PDE6C: variants seen among roughly 807,000 people sequenced by gnomAD.
PDE6C encodes the protein cone cGMP-specific 3',5'-cyclic phosphodiesterase subunit alpha'.
Under a neutral mutation model 113.1 loss-of-function variants are expected in PDE6C, and 75 were observed. The observed-to-expected ratio is 0.66, with a 90% CI of 0.55 to 0.80. The LOEUF is 0.80. Ranked by LOEUF, PDE6C falls within the 30% of genes least tolerant of loss-of-function variation. The probability of loss-of-function intolerance (pLI) is 0.00; values close to 1 mark genes in which losing one functional copy is unlikely to be tolerated. For synonymous variants in PDE6C, 375 were observed against 363.7 expected (o/e 1.03, Z -0.35); for missense variants, 912 against 1,038.6 (o/e 0.88, Z 1.67).
chr10:93,646,151 A>G (rs1184819010), intron 15 of PDE6C, 104 bp downstream of exon 15: 2 of 732,440 alleles, frequency 2.7e-6, no homozygotes, highest in Non-Finnish European at 2.5e-6. Flanking sequence ...ACAGCAGTTG[A>G]TAGTGTATAC....
intron 7 of PDE6C, among the ~76,000 whole-genome samples, chr10:93,627,978 AG>A (rs2058482047): frequency 6.6e-6 from 1 of 152,210 alleles, no homozygotes; most frequent in Non-Finnish European, 1.5e-5. Context: ...TGGGGATTTA[AG>A]GAGGGAGCCC....
At chr10:93,664,458 G>A (rs1425301882) in intron 21 of PDE6C, among the ~76,000 whole-genome samples, 1 of 152,220 alleles carries the variant, frequency 6.6e-6, no homozygotes, top group African/African-American at 2.4e-5. Context: ...GTAGCTGCCA[G>A]ATACTGTATT....
rs548263177 is a variant in PDE6C at position 93,634,430 on chromosome 10, T to A, written c.1120-328T>A. Among the ~76,000 whole-genome samples, 8 of 152,178 alleles carry A rather than the reference T, an allele frequency of 5.3e-5. No homozygotes were observed. In the East Asian group the frequency reaches 1.5e-3, roughly 29 times the overall value. On this transcript the variant is annotated intron_variant, in intron 8 of 21. Coordinates refer to ENST00000371447, the MANE Select transcript of PDE6C (RefSeq NM_006204.4). ...TGTTGTATCTTGATTCTAATGGTGG[T>A]TGAAAAGCTACACAAGGGATAAATT...
chr10:93,637,765 T>C (rs1288076037), intron 11 of PDE6C, among the ~76,000 whole-genome samples: 1 of 152,244 alleles, frequency 6.6e-6, no homozygotes, highest in Non-Finnish European at 1.5e-5. Flanking sequence ...GTACCCATCT[T>C]AATACCAGAA....
intron 8 of PDE6C, among the ~76,000 whole-genome samples, chr10:93,632,560 C>G (rs2058506806): frequency 6.6e-6 from 1 of 152,162 alleles, no homozygotes; most frequent in Non-Finnish European, 1.5e-5. Context: ...GAACTGGTAG[C>G]AAATGAATAT....
At chr10:93,615,981 C>T (rs527695722) in intron 1 of PDE6C, among the ~76,000 whole-genome samples, 2 of 152,282 alleles carry the variant, frequency 1.3e-5, no homozygotes, top group Admixed American at 6.5e-5. Flanking sequence ...CTACCTTACA[C>T]CCCTGCAGTT....
In PDE6C at chr10:93,622,061, A is replaced by T; in HGVS notation, c.853A>T (p.Thr285Ser). The T allele has an allele frequency of 6.2e-7, 1 of 1,613,980 alleles. No homozygotes were observed. The highest frequency in any genetic ancestry group is 8.5e-7 in the Non-Finnish European group (1 of 1,179,960). Residue 285 changes from threonine to serine, a missense_variant, in exon 4 of 22, where the codon ACC (threonine) becomes TCC (serine). By Grantham distance (58) the Thr-to-Ser change is moderately conservative. Coordinates refer to ENST00000371447, the MANE Select transcript of PDE6C (RefSeq NM_006204.4). ...ATACTCCATTGGACTGCTGGACATG[A>T]CCAAGGAGAAGGTTCTTATTATTCT... ...ERYSIGLLDM[T>S]KEKEFYDEWP...
intron 11 of PDE6C, among the ~76,000 whole-genome samples, chr10:93,639,845 G>A (rs2058550401): frequency 6.6e-6 from 1 of 152,170 alleles, no homozygotes; most frequent in African/African-American, 2.4e-5. Flanking sequence ...CTTTAATATG[G>A]CCAAGTCTCA....
intron 15 of PDE6C, among the ~76,000 whole-genome samples, chr10:93,654,151 C>T (rs1420054025): frequency 6.6e-6 from 1 of 152,198 alleles, no homozygotes. Context: ...ATTCAGCATT[C>T]CACAGATATT....
chr10:93,621,026 CA>C (rs759506945), intron 3 of PDE6C, 46 bp downstream of exon 3: 11 of 1,505,736 alleles, frequency 7.3e-6, no homozygotes, highest in Non-Finnish European at 1.0e-5. Context: ...CCTATTCTGA[CA>C]AAGCCGCCCA....
At position 93,617,269 on chromosome 10, in the gene PDE6C, TA is replaced by T. The variant is rs549440568; in HGVS notation, c.481-3359del. Reference sequence around the variant, plus strand: ...TAAGGATTTTTTGAGCTAGTGAAAATAAAACACAAAAACCCCTCCCCCATCC... The same window carrying T: ...TAAGGATTTTTTGAGCTAGTGAAAATAAACACAAAAACCCCTCCCCCATCC... On this transcript the variant is annotated intron_variant, in intron 1 of 21. Coordinates refer to ENST00000371447, the MANE Select transcript of PDE6C (RefSeq NM_006204.4). 3.4e-3 allele frequency among the ~76,000 whole-genome samples: 518 copies of T among 152,164 alleles called. 4 individuals are homozygous for T. Among genetic ancestry groups the T allele is most frequent in the African/African-American group, 0.012 (492 of 41,512 alleles).
intron 18 of PDE6C, among the ~76,000 whole-genome samples, chr10:93,660,313 T>C (rs2058660356): frequency 6.6e-6 from 1 of 152,220 alleles, no homozygotes; most frequent in Non-Finnish European, 1.5e-5. Flanking sequence ...TAAACTTGTA[T>C]GTTTTATGCT....
chr10:93,626,061 C>T (rs138344914), intron 5 of PDE6C, among the ~76,000 whole-genome samples: 2 of 152,252 alleles, frequency 1.3e-5, no homozygotes, highest in Non-Finnish European at 2.9e-5. Context: ...GTCCATAGCA[C>T]ACAGGAAAGA....
chr10:93,613,260 A>G, intron 1 of PDE6C, 55 bp downstream of exon 1: 1 of 1,608,278 alleles, frequency 6.2e-7, no homozygotes, highest in South Asian at 1.1e-5. Context: ...GGGAGGAACA[A>G]ATGGGAAAGA....
At chr10:93,627,088 C>A (rs1313291284) in intron 7 of PDE6C, among the ~76,000 whole-genome samples, 2 of 151,708 alleles carry the variant, frequency 1.3e-5, no homozygotes, top group Admixed American at 6.6e-5. Context: ...CATGGTGAAA[C>A]CCCGTCTCTA....
chr10:93,632,646 C>T (rs114456603), intron 8 of PDE6C, among the ~76,000 whole-genome samples: 1 of 152,186 alleles, frequency 6.6e-6, no homozygotes, highest in Non-Finnish European at 1.5e-5. Flanking sequence ...TTCTTTCACA[C>T]GCATGTGATA....
At chr10:93,624,671 T>G (rs1364631559) in intron 4 of PDE6C, among the ~76,000 whole-genome samples, 1 of 152,206 alleles carries the variant, frequency 6.6e-6, no homozygotes, top group African/African-American at 2.4e-5. Context: ...TAGCTGAGTA[T>G]GTTGGTTAGG....
intron 5 of PDE6C, 120 bp downstream of exon 5, chr10:93,625,769 C>G (rs760086376): frequency 4.5e-5 from 32 of 718,930 alleles, no homozygotes; most frequent in Non-Finnish European, 7.0e-5. Flanking sequence ...CAGCACTAGA[C>G]AAGGAGTTTG....
At chr10:93,613,241 G>A in intron 1 of PDE6C, 36 bp downstream of exon 1, 1 of 1,612,870 alleles carries the variant, frequency 6.2e-7, no homozygotes, top group Non-Finnish European at 8.5e-7. Flanking sequence ...AGAGGTCTTG[G>A]CAGGGTCAGG....
Sources: allele counts gnomAD v4.1 joint callset (sites outside exome capture counted in the v4.1 genomes callset), GRCh38; gene constraint gnomAD v4.1.1; transcripts MANE v1.5; gene names NCBI Gene and HGNC (gene_info 2026-07-23, HGNC 2026-07-21).